Variants in PTPRD observed in about 807,000 individuals in gnomAD.
PTPRD encodes protein tyrosine phosphatase receptor type D.
Under a neutral mutation model 214.5 loss-of-function variants are expected in PTPRD, and 34 were observed. The ratio of observed to expected loss-of-function variants is 0.16; its 90% CI spans 0.12 to 0.21. The LOEUF (loss-of-function observed/expected upper bound fraction) is 0.21. PTPRD is among the 10% of genes least tolerant of loss of function. The pLI, the probability that PTPRD is intolerant of heterozygous loss-of-function variation, is 1.00. For synonymous variants in PTPRD, 1,128 were observed against 845.7 expected, an observed-to-expected ratio of 1.33 and a Z score of -5.79; for missense variants, 2,545 against 2,398.7, an observed-to-expected ratio of 1.06 and a Z score of -1.27.
intron 2 of PTPRD, among the ~76,000 whole-genome samples, chr9:10,583,439 G>A (rs957099805): frequency 1.3e-5 from 2 of 150,438 alleles, no homozygotes; most frequent in Non-Finnish European, 3.0e-5. Context: ...CCCTGGTTGT[G>A]GTTATAAACT....
intron 36 of PTPRD, among the ~76,000 whole-genome samples, chr9:8,398,866 A>G (rs2091821874): frequency 6.6e-6 from 1 of 152,180 alleles, no homozygotes; most frequent in African/African-American, 2.4e-5. Context: ...TAAATTACCC[A>G]GTCTGTGGTA....
intron 3 of PTPRD, among the ~76,000 whole-genome samples, chr9:10,200,803 T>A (rs987006419): frequency 5.3e-5 from 8 of 152,232 alleles, no homozygotes; most frequent in South Asian, 2.1e-4. Context: ...AGGAAAAATA[T>A]AAACATAAAT....
At chr9:10,263,947 G>A (rs984730917) in intron 3 of PTPRD, among the ~76,000 whole-genome samples, 4 of 152,262 alleles carry the variant, frequency 2.6e-5, no homozygotes, top group East Asian at 3.9e-4. Flanking sequence ...CATCCATGGC[G>A]AAAATGGGCC....
At chr9:9,108,761 T>G (rs2099802199) in intron 10 of PTPRD, among the ~76,000 whole-genome samples, 1 of 152,170 alleles carries the variant, frequency 6.6e-6, no homozygotes, top group Admixed American at 6.6e-5. Flanking sequence ...AGGTGAGCAG[T>G]AATCATCTCT....
intron 8 of PTPRD, among the ~76,000 whole-genome samples, chr9:9,423,749 G>A (rs1169999394): frequency 6.6e-6 from 1 of 152,058 alleles, no homozygotes; most frequent in Admixed American, 6.6e-5. Flanking sequence ...AGAACCCAAT[G>A]AATAAGTTAA....
At chr9:10,468,972 A>G (rs1354154816) in intron 2 of PTPRD, among the ~76,000 whole-genome samples, 1 of 152,150 alleles carries the variant, frequency 6.6e-6, no homozygotes, top group East Asian at 1.9e-4. Flanking sequence ...AGTGAATTAG[A>G]AAAAAAGTTA....
At chr9:10,593,088 G>A (rs1419638012) in intron 2 of PTPRD, among the ~76,000 whole-genome samples, 1 of 151,962 alleles carries the variant, frequency 6.6e-6, no homozygotes, top group African/African-American at 2.4e-5. Context: ...CCCACCAGAA[G>A]GAACCAAGTC....
chr9:9,134,166 G>A (rs1348780303), intron 10 of PTPRD, among the ~76,000 whole-genome samples: 4 of 134,870 alleles, frequency 3.0e-5, no homozygotes, highest in Non-Finnish European at 6.1e-5. Context: ...TCCGCTTCCC[G>A]GGTTCACGCC....
intron 5 of PTPRD, among the ~76,000 whole-genome samples, chr9:9,834,047 C>CT (rs1448808245): frequency 2.0e-5 from 3 of 152,008 alleles, no homozygotes; most frequent in Non-Finnish European, 4.4e-5. Context: ...AGGTTATTGA[C>CT]TGGGGAAGTG....
chr9:10,241,537 A>G (rs2154362868), intron 3 of PTPRD, among the ~76,000 whole-genome samples: 1 of 152,118 alleles, frequency 6.6e-6, no homozygotes, highest in Non-Finnish European at 1.5e-5. Flanking sequence ...CAAACTATTG[A>G]TAAATATAAC....
intron 12 of PTPRD, among the ~76,000 whole-genome samples, chr9:8,720,859 C>T (rs552429475): frequency 2.6e-4 from 39 of 152,168 alleles, no homozygotes; most frequent in South Asian, 2.3e-3. Flanking sequence ...AACTCTGGAC[C>T]TGATGCCCAC....
chr9:10,549,621 C>T (rs1306121241), intron 2 of PTPRD, among the ~76,000 whole-genome samples: 1 of 152,016 alleles, frequency 6.6e-6, no homozygotes, highest in Non-Finnish European at 1.5e-5. Context: ...GGGCCATGTC[C>T]CTATCCGTCA....
chr9:8,663,598 C>G (rs2097110398), intron 12 of PTPRD, among the ~76,000 whole-genome samples: 2 of 152,072 alleles, frequency 1.3e-5, no homozygotes, highest in African/African-American at 4.8e-5. Flanking sequence ...TCAAGTGATT[C>G]TCCTGCCTCA....
At chr9:9,671,990 T>C (rs926177322) in intron 7 of PTPRD, among the ~76,000 whole-genome samples, 3 of 152,180 alleles carry the variant, frequency 2.0e-5, no homozygotes, top group African/African-American at 4.8e-5. Context: ...AAATTGCTAC[T>C]GTACATTAAA....
chr9:9,015,590 C>T (rs2099531489), intron 11 of PTPRD, among the ~76,000 whole-genome samples: 1 of 152,192 alleles, frequency 6.6e-6, no homozygotes, highest in African/African-American at 2.4e-5. Context: ...TATTTCTTCA[C>T]TTTCCTAATA....
intron 3 of PTPRD, among the ~76,000 whole-genome samples, chr9:10,109,056 G>A (rs889329537): frequency 1.2e-4 from 19 of 152,080 alleles, no homozygotes; most frequent in African/African-American, 4.3e-4. Context: ...ACAGGCTACT[G>A]TATCAGAAAC....
Position 8,395,319 on chromosome 9 carries a change from A to G in PTPRD, c.4211-5912T>C, listed in dbSNP as rs375066236. On this transcript the variant is annotated intron_variant, in intron 36 of 45. Coordinates refer to ENST00000381196, the MANE Select transcript of PTPRD (RefSeq NM_002839.4). ...AATATAGGTTAAGACCTAGATTGCA[A>G]TTTTACAACAATGTGGCAAAAATGT... 3.9e-5 allele frequency among the ~76,000 whole-genome samples: 6 copies of G among 152,280 alleles called. No homozygotes were observed. The South Asian group carries it at 1.2e-3, about 32-fold the overall frequency.
At chr9:9,592,658 A>T (rs755655080) in intron 7 of PTPRD, among the ~76,000 whole-genome samples, 3 of 152,040 alleles carry the variant, frequency 2.0e-5, no homozygotes, top group Non-Finnish European at 4.4e-5. Context: ...CCTGGTATCT[A>T]CAGTGGATTT....
chr9:8,557,797 C>CAA lies in PTPRD; in HGVS notation c.353-29019_353-29018insTT, dbSNP rs1458984650. On this transcript the variant is annotated intron_variant, in intron 14 of 45. Coordinates refer to ENST00000381196, the MANE Select transcript of PTPRD (RefSeq NM_002839.4). ...AACAAAATACACACACACACACACA[C>CAA]ACACACACACATATATACACACACA... 3.6e-5 allele frequency among the ~76,000 whole-genome samples: 5 copies of CAA among 139,986 alleles called. No individual in the cohort carries two copies. The East Asian group carries it at 1.0e-3, about 29-fold the overall frequency. 91.8% of individuals were successfully genotyped at this position (139,986 alleles called of 152,430 possible). A position where few individuals can be genotyped will look rare whatever the true frequency, so the allele number is the denominator to read the frequency against.
Sources: allele counts gnomAD v4.1 joint callset (sites outside exome capture counted in the v4.1 genomes callset), GRCh38; gene constraint gnomAD v4.1.1; transcripts MANE v1.5; gene names NCBI Gene and HGNC (gene_info 2026-07-23, HGNC 2026-07-21).